The following AP4B1 variants were observed in gnomAD, a reference collection of about 807,000 sequenced individuals.
The protein encoded by AP4B1 is AP-4 complex subunit beta-1.
In AP4B1, 49 loss-of-function variants were observed where a neutral mutation model predicts 76.5. That is an observed-to-expected ratio of 0.64 (90% confidence interval 0.51 to 0.81). The LOEUF is 0.81. Among genes scored for constraint, AP4B1 ranks in the 40% least tolerant of loss-of-function variants. AP4B1 has a pLI of 0.00. For synonymous variants in AP4B1, 330 were observed against 333.3 expected (o/e 0.99, Z 0.11); for missense variants, 911 against 904.9 (o/e 1.01, Z -0.09).
chr1:113,904,962 G>A (rs1668800753), upstream of AP4B1: 5 of 494,662 alleles, frequency 1.0e-5, 1 homozygote, highest in Admixed American at 9.8e-5. Flanking sequence ...CAGGCCGTTC[G>A]CCCCGCCCAC....
At position 113,894,446 on chromosome 1, in the gene AP4B1, T is replaced by C. The variant is rs183581108; in HGVS notation, c.*619A>G. On this transcript the variant is annotated 3_prime_UTR_variant, in exon 10 of 10. Transcript: ENST00000369569. ...GAACACTGAAAGATAGACGAGGTGT[T>C]AATTCAAGAAGATATGAGGGTGAGA... 2.6e-5 allele frequency among the ~76,000 whole-genome samples: 4 copies of C among 152,314 alleles called. No homozygotes were observed. Among genetic ancestry groups the C allele is most frequent in the Non-Finnish European group, 5.9e-5 (4 of 68,028 alleles).
rs1558085051 is a variant in AP4B1 at position 113,898,598 on chromosome 1, T to A, written c.1198+120A>T. On this transcript the variant is annotated intron_variant, in intron 6 of 9. Coordinates refer to ENST00000369569, the MANE Select transcript of AP4B1 (RefSeq NM_001253852.3). ...ATGCTTCTCTAACAGCAACAGATGATGATGCAAGGAAAAGTTCAAATCTCT... is the reference window on the plus strand; with the variant it reads ...ATGCTTCTCTAACAGCAACAGATGAAGATGCAAGGAAAAGTTCAAATCTCT... 3 of 814,766 alleles carry A rather than the reference T, an allele frequency of 3.7e-6. No homozygotes were observed. In the East Asian group the frequency reaches 7.2e-5, roughly 20 times the overall value. 50.5% of individuals were successfully genotyped at this position (814,766 alleles called of 1,614,324 possible).
chr1:113,895,340 G>A lies in AP4B1; in HGVS notation c.1945C>T (p.Arg649Trp), dbSNP rs777210567. The A allele has an allele frequency of 2.6e-5, 42 of 1,614,046 alleles. No homozygotes were observed. Among genetic ancestry groups the A allele is most frequent in the Non-Finnish European group, 3.2e-5 (38 of 1,180,042 alleles). ...KVAHQQVLPW[R>W]GEFHPDTLQM... ...AGGGTGTCAGGATGGAATTCTCCCC[G>A]CCAAGGCAACACTTGCTGATGAGCA... The change falls in exon 10 of 10, where the codon CGG becomes TGG. Residue 649 changes from arginine (R) to tryptophan (W), a missense_variant. Coordinates refer to ENST00000369569, the MANE Select transcript of AP4B1 (RefSeq NM_001253852.3).
At chr1:113,904,958 G>C (rs1440557544), upstream of AP4B1, 2 of 496,858 alleles carry the variant, frequency 4.0e-6, no homozygotes, top group African/African-American at 3.9e-5. Flanking sequence ...CCGGCAGGCC[G>C]TTCGCCCCGC....
chr1:113,900,694 G>T (rs1341850684), intron 4 of AP4B1: 9 of 436,860 alleles, frequency 2.1e-5, no homozygotes, highest in Non-Finnish European at 3.7e-5. Context: ...GGCTTAGTTT[G>T]GGGGACATGA....
Position 113,895,013 on chromosome 1 carries a change from TAAGA to T in AP4B1, c.*48_*51del. The T allele has an allele frequency of 6.4e-7, 1 of 1,566,582 alleles. No homozygotes were observed. The highest frequency in any genetic ancestry group is 8.7e-7 in the Non-Finnish European group (1 of 1,149,084). Reference sequence around the variant, plus strand: ...TACTGGCAGCTCTAATAGGAAAGACTAAGAAAGTGTAATAGTTATTCATCTTACT... The same window carrying T: ...TACTGGCAGCTCTAATAGGAAAGACTAAGTGTAATAGTTATTCATCTTACT... On this transcript the variant is annotated 3_prime_UTR_variant, in exon 10 of 10. Coordinates refer to ENST00000369569, the MANE Select transcript of AP4B1 (RefSeq NM_001253852.3).
chr1:113,902,074 T>C (rs1668343685), intron 2 of AP4B1, 189 bp from the exon 3 acceptor site: 1 of 727,188 alleles, frequency 1.4e-6, no homozygotes, highest in South Asian at 1.7e-5. Flanking sequence ...TTTTTCAAGA[T>C]GGGGTCTCAC....
At position 113,904,796 on chromosome 1, in the gene AP4B1, G is replaced by T; in HGVS notation, c.-79C>A. The T allele has an allele frequency of 8.2e-7, 1 of 1,213,110 alleles. No homozygotes were observed. Among genetic ancestry groups the T allele is most frequent in the Non-Finnish European group, 1.2e-6 (1 of 817,432 alleles). 75.1% of individuals were successfully genotyped at this position (1,213,110 alleles called of 1,614,324 possible). A position where few individuals can be genotyped will look rare whatever the true frequency, so the allele number is the denominator to read the frequency against. The stretch of plus-strand genomic sequence containing the variant: ...CCTTCTCGTCCTGATGTGGGAGCCT[G>T]AGTAAAGGAAATATGAGTCAGTGAA... On this transcript the variant is annotated 5_prime_UTR_variant, in exon 1 of 10. Transcript: ENST00000369569.
intron 7 of AP4B1, 39 bp downstream of exon 7, chr1:113,897,801 T>C (rs745492809): frequency 1.2e-6 from 2 of 1,605,222 alleles, no homozygotes; most frequent in Non-Finnish European, 1.7e-6. Flanking sequence ...TTTCAAGCAT[T>C]CTCCCCCTAC....
chr1:113,901,219 T>C lies in AP4B1; in HGVS notation c.617+17A>G, dbSNP rs201080805. ...GTAGCAGATCTCATAATAAAAAGAG[T>C]GCTGAGGCATCCAAACCGATTTAAG... On this transcript the variant is annotated intron_variant, in intron 4 of 9. Transcript: ENST00000369569. 9.1e-5 allele frequency: 147 copies of C among 1,613,712 alleles called. No individual in the cohort carries two copies. Among genetic ancestry groups the C allele is most frequent in the Non-Finnish European group, 1.2e-4 (136 of 1,179,888 alleles).
rs746534379 is a variant in AP4B1, at chr1:113,902,838, C to T, written c.138G>A (p.Met46Ile). Residue 46 changes from methionine to isoleucine, a missense_variant, in exon 2 of 10, where the codon ATG (methionine) becomes ATA (isoleucine). Met to Ile is a conservative substitution (Grantham distance 10). Transcript: ENST00000369569. Reference protein sequence around the residue: ...VIRYMTQGLDMSGVFMEMVKA... With the variant: ...VIRYMTQGLDISGVFMEMVKA... ...TCACCATTTCCATAAAAACACCAGA[C>T]ATGTCCAAGCCTTGAGTCATGTACC... The T allele has an allele frequency of 1.9e-6, 3 of 1,614,216 alleles. No homozygotes were observed. The highest frequency in any genetic ancestry group is 1.1e-5 in the South Asian group (1 of 91,080).
At position 113,895,668 on chromosome 1, in the gene AP4B1, G is replaced by A. The variant is rs1667377313; in HGVS notation, c.1792+89C>T. ...GCTTCAAATTCAGGCAACAGTCTGA[G>A]GTTTAGTGCTAAGATACTCTACTTT... On this transcript the variant is annotated intron_variant, in intron 9 of 9. Coordinates refer to ENST00000369569, the MANE Select transcript of AP4B1 (RefSeq NM_001253852.3). 13 of 1,573,012 alleles carry A rather than the reference G, an allele frequency of 8.3e-6. No homozygotes were observed. In the Middle Eastern group the frequency reaches 2.2e-3, roughly 264 times the overall value.
At chr1:113,899,185 C>T in intron 5 of AP4B1, 2 of 1,049,508 alleles carry the variant, frequency 1.9e-6, no homozygotes, top group Non-Finnish European at 2.3e-6. Flanking sequence ...TTTCTTGTCT[C>T]CTCTTTGCTC....
chr1:113,902,706 C>T lies in AP4B1; in HGVS notation c.270G>A (p.Leu90=). ...PDLALLAINT[L]CKDCSDPNPM... is the part of the protein sequence containing the mutation. Reference sequence around the variant, plus strand: ...GATTGGGGTCTGAGCAGTCTTTGCACAGCGTATTGATGGCCAGGAGAGCCA... The same window carrying T: ...GATTGGGGTCTGAGCAGTCTTTGCATAGCGTATTGATGGCCAGGAGAGCCA... The change falls in exon 2 of 10, where the codon CTG becomes CTA. Residue 90 remains leucine (L), a synonymous_variant. Coordinates refer to ENST00000369569, the MANE Select transcript of AP4B1 (RefSeq NM_001253852.3). 2 of 1,614,186 alleles carry T rather than the reference C, an allele frequency of 1.2e-6. No individual in the cohort carries two copies. The highest frequency in any genetic ancestry group is 1.7e-6 in the Non-Finnish European group (2 of 1,180,040).
intron 2 of AP4B1, 142 bp from the exon 3 acceptor site, chr1:113,902,027 A>C (rs943770436): frequency 1.8e-6 from 2 of 1,126,622 alleles, no homozygotes; most frequent in African/African-American, 1.6e-5. Flanking sequence ...ATCAAGCTTA[A>C]AAAGCCATAA....
intron 1 of AP4B1, among the ~76,000 whole-genome samples, chr1:113,903,765 G>C (rs774005871): frequency 2.6e-5 from 4 of 152,312 alleles, no homozygotes; most frequent in Non-Finnish European, 4.4e-5. Flanking sequence ...TTAACAGCTT[G>C]TTCCTTGGGT....
Position 113,902,793 on chromosome 1 carries a change from A to G in AP4B1, c.183T>C (p.Asp61=), listed in dbSNP as rs755986357. 6 of 1,614,116 alleles carry G rather than the reference A, an allele frequency of 3.7e-6. No individual in the cohort carries two copies. The change falls in exon 2 of 10, where the codon GAT becomes GAC. Residue 61 remains aspartate (D), a synonymous_variant. Transcript: ENST00000369569. ...MEMVKASATV[D]IVQKKLVYLY... ...GATAAACCAACTTCTTCTGGACAAT[A>G]TCTACAGTGGCACTGGCCTTCACCA...
At position 113,899,901 on chromosome 1, in the gene AP4B1, T is replaced by C; in HGVS notation, c.1114+3A>G. ...TCAAGAAGGAAAAGGAGCAGACACC[T>C]ACCTATGGCAAAGATGGCAGCCTGT... On this transcript the variant is annotated splice_donor_region_variant and intron_variant, in intron 5 of 9. Transcript: ENST00000369569. 6.2e-7 allele frequency: 1 copy of C among 1,614,196 alleles called. No individual in the cohort carries two copies. The highest frequency in any genetic ancestry group is 2.2e-5 in the East Asian group (1 of 44,890).
At position 113,897,832 on chromosome 1, in the gene AP4B1, C is replaced by G; in HGVS notation, c.1302+8G>C. Reference sequence around the variant, plus strand: ...CCTACCTAGAAGTAAAGGAGAATTACAGTCTACCTCACTATCTTGAATGTT... The same window carrying G: ...CCTACCTAGAAGTAAAGGAGAATTAGAGTCTACCTCACTATCTTGAATGTT... On this transcript the variant is annotated splice_region_variant and intron_variant, in intron 7 of 9. Coordinates refer to ENST00000369569, the MANE Select transcript of AP4B1 (RefSeq NM_001253852.3). 1 of 1,613,752 alleles carries G rather than the reference C, an allele frequency of 6.2e-7. No homozygotes were observed. Among genetic ancestry groups the G allele is most frequent in the East Asian group, 2.2e-5 (1 of 44,882 alleles).
Sources: gnomAD v4.1 joint callset for allele counts (sites outside exome capture counted in the v4.1 genomes callset) on GRCh38, gnomAD v4.1.1 for gene constraint, MANE v1.5 for transcripts, NCBI Gene and HGNC (gene_info 2026-07-23, HGNC 2026-07-21) for gene names.